ABHD8: variants seen among roughly 807,000 people sequenced by gnomAD.
The protein encoded by ABHD8 is abhydrolase domain containing 8.
In ABHD8, 10 loss-of-function variants were observed where a neutral mutation model predicts 29.3. The ratio of observed to expected loss-of-function variants is 0.34; its 90% CI spans 0.21 to 0.58. The LOEUF (loss-of-function observed/expected upper bound fraction) is 0.58. ABHD8 is among the 20% of genes least tolerant of loss of function. The probability of loss-of-function intolerance (pLI) is 0.85; values close to 1 mark genes in which losing one functional copy is unlikely to be tolerated. For synonymous variants in ABHD8, 282 were observed against 274.6 expected (o/e 1.03, Z -0.27); for missense variants, 556 against 615.3 (o/e 0.90, Z 1.02).
At chr19:17,302,587 G>C (rs1205420038) in intron 1 of ABHD8, among the ~76,000 whole-genome samples, 1 of 152,284 alleles carries the variant, frequency 6.6e-6, no homozygotes, top group African/African-American at 2.4e-5. Context: ...CCCCTAGACC[G>C]GGGTGAGCCG....
rs2074119114 is a variant in ABHD8, at chr19:17,301,565, G to T, written c.52C>A (p.Pro18Thr). Residue 18 changes from proline to threonine, a missense_variant, in exon 2 of 5, where the codon CCC (proline) becomes ACC (threonine). Coordinates refer to ENST00000247706, the MANE Select transcript of ABHD8 (RefSeq NM_024527.5). ...CTCTCCAGTGGCCCCACGGCGTTGG[G>T]GGGCGTGCCCAGCAGGCAACAGAAG... ...GIFCCLLGTP[P>T]NAVGPLESVE... 1.3e-6 allele frequency: 2 copies of T among 1,598,942 alleles called. No individual in the cohort carries two copies. The highest frequency in any genetic ancestry group is 1.3e-5 in the African/African-American group (1 of 74,818).
At chr19:17,293,861 T>C (rs1192988316) in intron 4 of ABHD8, among the ~76,000 whole-genome samples, 1 of 151,998 alleles carries the variant, frequency 6.6e-6, no homozygotes, top group African/African-American at 2.4e-5. Context: ...GCCGGGCTAG[T>C]ATCCAGGGCT....
At position 17,292,652 on chromosome 19, in the gene ABHD8, G is replaced by T. The variant is rs570131512; in HGVS notation, c.*9C>A. On this transcript the variant is annotated 3_prime_UTR_variant, in exon 5 of 5. Coordinates refer to ENST00000247706, the MANE Select transcript of ABHD8 (RefSeq NM_024527.5). ...GTGCTCACCAAGCGATGCCCCGCCG[G>T]CCCAGCGGCTACTTCTTGTCTTCTG... 3 of 1,603,978 alleles carry T rather than the reference G, an allele frequency of 1.9e-6. No individual in the cohort carries two copies. In the East Asian group the frequency reaches 6.7e-5, roughly 36 times the overall value.
chr19:17,294,832 T>C lies in ABHD8; in HGVS notation c.775A>G (p.Thr259Ala). 6.2e-7 allele frequency: 1 copy of C among 1,613,990 alleles called. No homozygotes were observed. Among genetic ancestry groups the C allele is most frequent in the Non-Finnish European group, 8.5e-7 (1 of 1,179,872 alleles). ...IGHSYGVSFC[T>A]FLAHEYPDLV... The stretch of plus-strand genomic sequence containing the variant: ...TCTGGGTACTCATGTGCCAGGAATG[T>C]GCAGAAAGAGACACTGCCCGGAACG... Residue 259 changes from threonine to alanine, a missense_variant, in exon 3 of 5, where the codon ACA becomes GCA. Around this residue, in one of 2 missense-constraint regions of ABHD8, gnomAD observed 270 missense variants for 353.9 expected, o/e 0.76. Coordinates refer to ENST00000247706, the MANE Select transcript of ABHD8 (RefSeq NM_024527.5).
intron 1 of ABHD8, chr19:17,302,840 A>T (rs1479850505): frequency 2.0e-5 from 3 of 152,026 alleles, no homozygotes; most frequent in Non-Finnish European, 4.4e-5. Context: ...AGGGGGGGAT[A>T]CCCGAGCAGT....
Position 17,298,768 on chromosome 19 carries a change from T to G in ABHD8, c.761+2088A>C, listed in dbSNP as rs925448006. Reference sequence around the variant, plus strand: ...TTTTTTTTTTTTTTTTTGGGCAGAGTCTCACTCTGTTGCTCAGGCTGGAGT... The same window carrying G: ...TTTTTTTTTTTTTTTTTGGGCAGAGGCTCACTCTGTTGCTCAGGCTGGAGT... On this transcript the variant is annotated intron_variant, in intron 2 of 4. Coordinates refer to ENST00000247706, the MANE Select transcript of ABHD8 (RefSeq NM_024527.5). Among the ~76,000 whole-genome samples the G allele has an allele frequency of 4.6e-4, 54 of 117,678 alleles. 1 individual carries two copies. The highest frequency in any genetic ancestry group is 2.0e-4 in the Non-Finnish European group (12 of 61,152). The allele number at this position is 117,678 out of a possible 152,430, so 77.2% of individuals were successfully genotyped here. A position where few individuals can be genotyped will look rare whatever the true frequency, so the allele number is the denominator to read the frequency against.
chr19:17,299,088 G>A (rs1293839571), intron 2 of ABHD8, among the ~76,000 whole-genome samples: 2 of 152,062 alleles, frequency 1.3e-5, no homozygotes, highest in South Asian at 2.1e-4. Context: ...CAGTGATGAC[G>A]GAAATCCCTG....
In ABHD8 at chr19:17,293,933, A is replaced by G. The variant is rs1385236695; in HGVS notation, c.1149+355T>C. ...CTGAACTCGCTAATTAGAGTTTCTA[A>G]TCTAAAGATCCCCTGGTGCCGGTCT... On this transcript the variant is annotated intron_variant, in intron 4 of 4. Coordinates refer to ENST00000247706, the MANE Select transcript of ABHD8 (RefSeq NM_024527.5). Among the ~76,000 whole-genome samples, 6 of 152,194 alleles carry G rather than the reference A, an allele frequency of 3.9e-5. No individual in the cohort carries two copies. In the East Asian group the frequency reaches 7.7e-4, roughly 20 times the overall value.
chr19:17,294,705 A>T lies in ABHD8; in HGVS notation c.902T>A (p.Leu301Ter). 1 of 1,614,134 alleles carries T rather than the reference A, an allele frequency of 6.2e-7. No homozygotes were observed. The highest frequency in any genetic ancestry group is 8.5e-7 in the Non-Finnish European group (1 of 1,180,028). Residue 301 changes from leucine (L) to a stop codon, truncating the protein, a stop_gained, in exon 3 of 5, where the codon TTG becomes TAG. Transcript: ENST00000247706. LOFTEE classifies it high-confidence loss of function. ...GAAGCTCCAGGCCAGGCAGGGCGAC[A>T]AGCAGTGCAGGACGCAGGTGGGCAT... Reference protein sequence around the residue: ...FNMPTCVLHCLSPCLAWSFLK... With the variant: ...FNMPTCVLHC
At chr19:17,299,422 A>G (rs1016316065) in intron 2 of ABHD8, among the ~76,000 whole-genome samples, 3 of 151,876 alleles carry the variant, frequency 2.0e-5, no homozygotes, top group Non-Finnish European at 4.4e-5. Flanking sequence ...TTAGCCAGGC[A>G]TGGTAGCGGG....
At chr19:17,302,718 G>A (rs2074126262) in intron 1 of ABHD8, 2 of 152,272 alleles carry the variant, frequency 1.3e-5, no homozygotes, top group Admixed American at 6.5e-5. Flanking sequence ...CAGAGGTGGC[G>A]AAGAGGATGG....
chr19:17,292,964 C>T (rs576136583), intron 4 of ABHD8, 133 bp from the exon 5 acceptor site: 1 of 989,900 alleles, frequency 1.0e-6, no homozygotes, highest in Admixed American at 3.1e-5. Context: ...CTGCATCTCT[C>T]CACTTCCACT....
At chr19:17,298,720 GATTGAACAAC>G (rs1475394049) in intron 2 of ABHD8, among the ~76,000 whole-genome samples, 4 of 148,050 alleles carry the variant, frequency 2.7e-5, no homozygotes, top group African/African-American at 9.9e-5. Context: ...ATAGTGCTGG[GATTGAACAAC>G]ACTGCTTTTT....
intron 2 of ABHD8, among the ~76,000 whole-genome samples, chr19:17,300,144 T>C (rs1480621567): frequency 6.6e-6 from 1 of 151,112 alleles, no homozygotes; most frequent in Non-Finnish European, 1.5e-5. Context: ...GACCTCGTGA[T>C]CCGCCCGCCT....
rs2074084325 is a variant in ABHD8 at position 17,294,402 on chromosome 19, C to G, written c.1035G>C (p.Gln345His). Reference protein sequence around the residue: ...SFVLRAMMSGQYWPEGDEVYH... With the variant: ...SFVLRAMMSGHYWPEGDEVYH... ...AGACCTCGTCGCCCTCGGGCCAGTA[C>G]TGGCCGCTCATCATGGCCCGGAGTA... The change falls in exon 4 of 5, where the codon CAG becomes CAC. Residue 345 changes from glutamine (Q) to histidine (H), a missense_variant. Physicochemically the swap from Gln to His is conservative, Grantham distance 24. Coordinates refer to ENST00000247706, the MANE Select transcript of ABHD8 (RefSeq NM_024527.5). 6.2e-7 allele frequency: 1 copy of G among 1,614,102 alleles called. No individual in the cohort carries two copies. Among genetic ancestry groups the G allele is most frequent in the Non-Finnish European group, 8.5e-7 (1 of 1,180,010 alleles).
At chr19:17,301,929 G>A (rs543954554) in intron 1 of ABHD8, among the ~76,000 whole-genome samples, 2 of 152,126 alleles carry the variant, frequency 1.3e-5, no homozygotes, top group Non-Finnish European at 2.9e-5. Flanking sequence ...GAGTAGCTGG[G>A]ATTATAGGCA....
In ABHD8 at chr19:17,294,455, C is replaced by T. The variant is rs553178516; in HGVS notation, c.982G>A (p.Gly328Ser). 1 of 1,614,182 alleles carries T rather than the reference C, an allele frequency of 6.2e-7. No homozygotes were observed. Among genetic ancestry groups the T allele is most frequent in the South Asian group, 1.1e-5 (1 of 91,086 alleles). Residue 328 changes from glycine (G) to serine (S), a missense_variant, in exon 4 of 5, where the codon GGC becomes AGC. Around this residue, in one of 2 missense-constraint regions of ABHD8, gnomAD observed 270 missense variants for 353.9 expected, o/e 0.76. Coordinates refer to ENST00000247706, the MANE Select transcript of ABHD8 (RefSeq NM_024527.5). ...AAGGATGACACGTTGAAAGCGTTGC[C>T]CTCCTTTAACAGCTGCTTCTCCTTG... ...GAKEKQLLKE[G>S]NAFNVSSFVL... is the part of the protein sequence containing the mutation.
rs1480756683 is a variant in ABHD8, at chr19:17,292,369, T to C, written c.*292A>G. ...TGGGGGGCCTGCCTTGGCCGTGGCG[T>C]TGGGGGGAAGGTGAGGGAGAGCTTC... is the stretch of plus-strand genomic sequence containing the variant. On this transcript the variant is annotated 3_prime_UTR_variant, in exon 5 of 5. Coordinates refer to ENST00000247706, the MANE Select transcript of ABHD8 (RefSeq NM_024527.5). The C allele has an allele frequency of 1.2e-5, 5 of 418,998 alleles. No homozygotes were observed. Among genetic ancestry groups the C allele is most frequent in the Non-Finnish European group, 1.7e-5 (4 of 237,364 alleles). 26.0% of individuals were successfully genotyped at this position (418,998 alleles called of 1,614,324 possible).
intron 2 of ABHD8, among the ~76,000 whole-genome samples, chr19:17,298,759 T>G (rs1477137804): frequency 3.8e-5 from 4 of 105,742 alleles, no homozygotes; most frequent in Admixed American, 1.0e-4. Flanking sequence ...TTTTTTTTTT[T>G]GGGCAGAGTC....
Sources: gnomAD v4.1 joint callset for allele counts (sites outside exome capture counted in the v4.1 genomes callset) on GRCh38, gnomAD v4.1.1 for gene constraint, gnomAD v4.1.1 regional missense constraint, MANE v1.5 for transcripts, NCBI Gene and HGNC (gene_info 2026-07-23, HGNC 2026-07-21) for gene names.